The following PAPPA2 variants were observed in gnomAD, a reference collection of about 807,000 sequenced individuals.
PAPPA2 encodes the protein pappalysin 2.
Under a neutral mutation model 176.4 loss-of-function variants are expected in PAPPA2, and 86 were observed. The ratio of observed to expected loss-of-function variants is 0.49; its 90% CI spans 0.41 to 0.58. The LOEUF (loss-of-function observed/expected upper bound fraction) is 0.58. PAPPA2 is among the 20% of genes least tolerant of loss of function. The probability of loss-of-function intolerance (pLI) is 0.00; values close to 1 mark genes in which losing one functional copy is unlikely to be tolerated. For synonymous variants in PAPPA2, 809 were observed against 852.2 expected (o/e 0.95, Z 0.88); for missense variants, 2,073 against 2,256.9 (o/e 0.92, Z 1.65).
rs1299104142 is a variant in PAPPA2, at chr1:176,555,702, TAAG to T, written c.-617_-615del. 6.6e-6 allele frequency: 1 copy of T among 152,218 alleles called. No individual in the cohort carries two copies. Among genetic ancestry groups the T allele is most frequent in the East Asian group, 1.9e-4 (1 of 5,200 alleles). The allele number at this position is 152,218 out of a possible 1,614,324, so 9.4% of individuals were successfully genotyped here. On this transcript the variant is annotated 5_prime_UTR_variant, in exon 2 of 23. Transcript: ENST00000367662. Reference sequence around the variant, plus strand: ...CCTAGATTATTTTTGCATTTTAAAATAAGAAGCATCAAATTGCGTGTCTCTGTG... The same window carrying T: ...CCTAGATTATTTTTGCATTTTAAAATAAGCATCAAATTGCGTGTCTCTGTG...
chr1:176,816,241 G>A lies in PAPPA2; in HGVS notation c.5202+16109G>A, dbSNP rs202112731. On this transcript the variant is annotated intron_variant, in intron 21 of 22. Transcript: ENST00000367662. The stretch of plus-strand genomic sequence containing the variant: ...ATATAAAATTTATGTGTGTGTGTGT[G>A]TATATATATATATATGTATGTATGT... Among the ~76,000 whole-genome samples the A allele has an allele frequency of 3.3e-3, 374 of 113,494 alleles. 7 individuals are homozygous for A. The highest frequency in any genetic ancestry group is 0.026 in the South Asian group (98 of 3,736). The allele number at this position is 113,494 out of a possible 152,430, so 74.5% of individuals were successfully genotyped here. A position where few individuals can be genotyped will look rare whatever the true frequency, so the allele number is the denominator to read the frequency against.
chr1:176,569,335 A>G (rs1213117371), intron 2 of PAPPA2, among the ~76,000 whole-genome samples: 1 of 152,190 alleles, frequency 6.6e-6, no homozygotes, highest in African/African-American at 2.4e-5. Context: ...TTTTCTCCTA[A>G]TATGAAACCA....
chr1:176,479,155 A>T (rs1652270269), intron 1 of PAPPA2, among the ~76,000 whole-genome samples: 1 of 152,178 alleles, frequency 6.6e-6, no homozygotes, highest in South Asian at 2.1e-4. Context: ...CATTTTGAAG[A>T]TGAGGAAACT....
chr1:176,618,333 G>C (rs539314748), intron 3 of PAPPA2, among the ~76,000 whole-genome samples: 4 of 152,278 alleles, frequency 2.6e-5, no homozygotes, highest in African/African-American at 9.6e-5. Context: ...GGGGTCATCA[G>C]ATCTATGTCT....
At chr1:176,730,426 T>C (rs1006186142) in intron 12 of PAPPA2, among the ~76,000 whole-genome samples, 2 of 152,060 alleles carry the variant, frequency 1.3e-5, no homozygotes, top group Admixed American at 1.3e-4. Flanking sequence ...TTTTATTATA[T>C]TTCAACTCTA....
intron 3 of PAPPA2, among the ~76,000 whole-genome samples, chr1:176,660,335 T>TG (rs1558502826): frequency 2.8e-4 from 38 of 136,912 alleles, no homozygotes; most frequent in African/African-American, 7.6e-4. Context: ...TAATTGTTTG[T>TG]TTGTGTGTGT....
intron 3 of PAPPA2, among the ~76,000 whole-genome samples, chr1:176,652,781 A>T (rs149038803): frequency 6.6e-6 from 1 of 151,674 alleles, no homozygotes; most frequent in East Asian, 2.0e-4. Flanking sequence ...GTCCACCTTG[A>T]TCTTAATTTT....
rs376974802 is a variant in PAPPA2, at chr1:176,490,860, C to T, written c.-917+27442C>T. Among the ~76,000 whole-genome samples, 7 of 152,166 alleles carry T rather than the reference C, an allele frequency of 4.6e-5. No homozygotes were observed. The South Asian group carries it at 6.2e-4, about 13-fold the overall frequency. The stretch of plus-strand genomic sequence containing the variant: ...GTCTAGCTCGATCTCAGGTTCCCAA[C>T]GCCCCAAATAAGGCTTTGTTTTGGT... On this transcript the variant is annotated intron_variant, in intron 1 of 22. Transcript: ENST00000367662.
At chr1:176,669,103 T>C (rs1351732869) in intron 3 of PAPPA2, among the ~76,000 whole-genome samples, 13 of 152,098 alleles carry the variant, frequency 8.5e-5, no homozygotes, top group Admixed American at 6.5e-4. Flanking sequence ...GTAAGCCATG[T>C]CAGGAGCAGG....
At chr1:176,688,788 G>A (rs577854232) in intron 4 of PAPPA2, among the ~76,000 whole-genome samples, 1 of 152,288 alleles carries the variant, frequency 6.6e-6, no homozygotes, top group South Asian at 2.1e-4. Flanking sequence ...CAACTGAGCT[G>A]CCTATTAGAT....
At chr1:176,623,622 C>CTTT (rs1558479081) in intron 3 of PAPPA2, among the ~76,000 whole-genome samples, 1,221 of 79,598 alleles carry the variant, frequency 0.015, 9 homozygotes, top group Non-Finnish European at 0.023. Context: ...TTCCTTCCTT[C>CTTT]CTTTTTTACT....
chr1:176,596,237 C>T (rs1205806811), intron 3 of PAPPA2, among the ~76,000 whole-genome samples: 1 of 152,068 alleles, frequency 6.6e-6, no homozygotes. Flanking sequence ...AAGATTTTTT[C>T]CTCCACTGCA....
chr1:176,677,366 T>G (rs1311332413), intron 4 of PAPPA2, among the ~76,000 whole-genome samples: 1 of 152,200 alleles, frequency 6.6e-6, no homozygotes, highest in Admixed American at 6.6e-5. Flanking sequence ...TGACTATCAA[T>G]GGCTTAAGTC....
chr1:176,714,716 A>C (rs1300019285), intron 12 of PAPPA2, among the ~76,000 whole-genome samples: 1 of 152,176 alleles, frequency 6.6e-6, no homozygotes, highest in Non-Finnish European at 1.5e-5. Context: ...TCTTGATTAT[A>C]ATAAGTCTTT....
At chr1:176,792,683 C>T (rs772210434) in intron 19 of PAPPA2, among the ~76,000 whole-genome samples, 14 of 151,802 alleles carry the variant, frequency 9.2e-5, no homozygotes, top group Admixed American at 3.9e-4. Flanking sequence ...GCACAATGTG[C>T]ACATGTACCC....
intron 1 of PAPPA2, among the ~76,000 whole-genome samples, chr1:176,508,810 C>T (rs916142565): frequency 1.2e-4 from 18 of 151,936 alleles, no homozygotes; most frequent in Non-Finnish European, 2.5e-4. Context: ...CCCCTTCACC[C>T]TCTCCCTCCT....
chr1:176,796,917 A>G (rs534971078), intron 20 of PAPPA2, among the ~76,000 whole-genome samples: 79 of 141,802 alleles, frequency 5.6e-4, no homozygotes, highest in Non-Finnish European at 9.5e-4. Flanking sequence ...TCCTCCCTCT[A>G]TTTTCTTTTC....
intron 1 of PAPPA2, among the ~76,000 whole-genome samples, chr1:176,465,221 T>A (rs1651561197): frequency 6.6e-6 from 1 of 152,216 alleles, no homozygotes; most frequent in Admixed American, 6.5e-5. Flanking sequence ...TCCCTATATA[T>A]AAATCTTTGT....
At chr1:176,711,569 G>A (rs1661142678) in intron 11 of PAPPA2, among the ~76,000 whole-genome samples, 1 of 152,126 alleles carries the variant, frequency 6.6e-6, no homozygotes, top group Non-Finnish European at 1.5e-5. Context: ...AAATATGCCA[G>A]GACTATTTGT....
Sources: gnomAD v4.1 joint callset for allele counts (sites outside exome capture counted in the v4.1 genomes callset) on GRCh38, gnomAD v4.1.1 for gene constraint, MANE v1.5 for transcripts, NCBI Gene and HGNC (gene_info 2026-07-23, HGNC 2026-07-21) for gene names.